The following PLCL2 variants were observed in gnomAD, a reference collection of about 807,000 sequenced individuals.
PLCL2 encodes the protein inactive phospholipase C-like protein 2.
Under a neutral mutation model 79.6 loss-of-function variants are expected in PLCL2, and 4 were observed. The observed-to-expected ratio is 0.05, with a 90% CI of 0.02 to 0.11. PLCL2 has a LOEUF of 0.11. PLCL2 is among the 10% of genes least tolerant of loss of function. The probability of loss-of-function intolerance (pLI) is 1.00; values close to 1 mark genes in which losing one functional copy is unlikely to be tolerated. For missense variants in PLCL2, 895 were observed against 1,291.0 expected, an observed-to-expected ratio of 0.69 and a Z score of 4.70; for synonymous variants, 484 against 457.7, an observed-to-expected ratio of 1.06 and a Z score of -0.73.
chr3:17,001,729 C>T (rs945786541), intron 1 of PLCL2, among the ~76,000 whole-genome samples: 17 of 151,730 alleles, frequency 1.1e-4, no homozygotes, highest in African/African-American at 1.7e-4. Flanking sequence ...TTTTGATGCC[C>T]GTACCATGCT....
At chr3:16,954,754 A>G (rs373540775) in intron 1 of PLCL2, among the ~76,000 whole-genome samples, 23 of 151,902 alleles carry the variant, frequency 1.5e-4, no homozygotes, top group Middle Eastern at 6.8e-3. Flanking sequence ...TTGTGGTTTT[A>G]ATTTGCATTT....
rs1209476751 is a variant in PLCL2, at chr3:17,009,968, A to G, written c.622A>G (p.Ile208Val). Residue 208 changes from isoleucine to valine, a missense_variant, in exon 2 of 6, where the codon ATT (isoleucine) becomes GTT (valine). By Grantham distance (29) the Ile-to-Val change is conservative. Around this residue, in one of 6 missense-constraint regions of PLCL2, gnomAD observed 129 missense variants for 208.8 expected, o/e 0.62. Transcript: ENST00000615277. This position sits in a 1 kb window ranked among gnomAD's most constrained non-coding sequence, Gnocchi z 4.0. ...CACAGACATATTCCGCAGCAATGGCATTTCTGACCAGATATCTGAAGATTG... is the reference window on the plus strand; with the variant it reads ...CACAGACATATTCCGCAGCAATGGCGTTTCTGACCAGATATCTGAAGATTG... ...KNTDIFRSNGISDQISEDCAF... is the reference protein window; with the variant it reads ...KNTDIFRSNGVSDQISEDCAF... 1.2e-6 allele frequency: 2 copies of G among 1,614,130 alleles called. No individual in the cohort carries two copies. Among genetic ancestry groups the G allele is most frequent in the Admixed American group, 1.7e-5 (1 of 60,024 alleles).
intron 1 of PLCL2, among the ~76,000 whole-genome samples, chr3:16,977,791 A>G (rs980230626): frequency 1.3e-5 from 2 of 152,182 alleles, no homozygotes; most frequent in African/African-American, 4.8e-5. Context: ...CTTATAAACA[A>G]TGAAAATTTA....
At chr3:16,984,661 G>A (rs1185027232) in intron 1 of PLCL2, among the ~76,000 whole-genome samples, 1 of 152,134 alleles carries the variant, frequency 6.6e-6, no homozygotes, top group Admixed American at 6.5e-5. Flanking sequence ...GGCCAGGTGC[G>A]CTGGCTCACG....
At chr3:16,906,135 G>A (rs533330380) in intron 1 of PLCL2, among the ~76,000 whole-genome samples, 138 of 151,828 alleles carry the variant, frequency 9.1e-4, no homozygotes, top group Non-Finnish European at 1.7e-3. Flanking sequence ...ATATTAAAAC[G>A]TTTTATCTGA....
At chr3:17,028,805 G>A (rs974741938) in intron 3 of PLCL2, among the ~76,000 whole-genome samples, 1 of 152,008 alleles carries the variant, frequency 6.6e-6, no homozygotes, top group Non-Finnish European at 1.5e-5. Flanking sequence ...CTGAGCTCCA[G>A]GATAACAGGG....
intron 1 of PLCL2, among the ~76,000 whole-genome samples, chr3:16,983,323 G>A (rs1309835992): frequency 6.6e-6 from 1 of 152,198 alleles, no homozygotes; most frequent in Non-Finnish European, 1.5e-5. Flanking sequence ...AGTGACTCTT[G>A]TGGGAATAAA....
chr3:16,968,695 A>G (rs949172081), intron 1 of PLCL2, among the ~76,000 whole-genome samples: 2 of 152,260 alleles, frequency 1.3e-5, no homozygotes, highest in Admixed American at 6.5e-5. Context: ...TGTTCCAGGT[A>G]TAGAATCGTA....
intron 1 of PLCL2, among the ~76,000 whole-genome samples, chr3:17,006,325 C>G (rs892293796): frequency 4.6e-5 from 7 of 152,194 alleles, no homozygotes; most frequent in Non-Finnish European, 8.8e-5. Flanking sequence ...CCATTGAACA[C>G]CAGTTCTCCT....
At position 16,946,790 on chromosome 3, in the gene PLCL2, A is replaced by G. The variant is rs137938926; in HGVS notation, c.327+61424A>G. On this transcript the variant is annotated intron_variant, in intron 1 of 5. Transcript: ENST00000615277. ...GCTAATTAGAAAGTTTATAGAAGTT[A>G]TAAGTCCTGTCATAAGTCATTTTAC... 6.0e-3 allele frequency among the ~76,000 whole-genome samples: 910 copies of G among 152,172 alleles called. 11 individuals are homozygous for G. The highest frequency in any genetic ancestry group is 0.021 in the African/African-American group (855 of 41,546).
intron 1 of PLCL2, among the ~76,000 whole-genome samples, chr3:17,005,438 C>A (rs2064252020): frequency 6.6e-6 from 1 of 152,276 alleles, no homozygotes; most frequent in African/African-American, 2.4e-5. Flanking sequence ...ACCTAAGTAT[C>A]CCAGATGGTA....
intron 1 of PLCL2, among the ~76,000 whole-genome samples, chr3:16,915,481 T>C (rs1474960311): frequency 6.6e-6 from 1 of 152,246 alleles, no homozygotes; most frequent in Non-Finnish European, 1.5e-5. Context: ...TTATTCATGC[T>C]CCATAATTCA....
At chr3:16,930,314 G>A (rs887208956) in intron 1 of PLCL2, among the ~76,000 whole-genome samples, 1 of 152,098 alleles carries the variant, frequency 6.6e-6, no homozygotes, top group African/African-American at 2.4e-5. Context: ...TTGAGGGAGC[G>A]TTCCAAGTTC....
At chr3:17,021,631 C>CA (rs33962872) in intron 3 of PLCL2, among the ~76,000 whole-genome samples, 1 of 142,930 alleles carries the variant, frequency 7.0e-6, no homozygotes, top group African/African-American at 2.9e-5. Flanking sequence ...CACACACACA[C>CA]CCCAGATACT....
intron 3 of PLCL2, among the ~76,000 whole-genome samples, chr3:17,035,971 T>C (rs973742521): frequency 1.3e-5 from 2 of 152,186 alleles, no homozygotes; most frequent in African/African-American, 2.4e-5. Context: ...TATAGGGTTT[T>C]TTCCCCCCTA....
intron 1 of PLCL2, among the ~76,000 whole-genome samples, chr3:16,892,197 T>C (rs1052840165): frequency 3.9e-5 from 6 of 152,252 alleles, no homozygotes; most frequent in African/African-American, 7.2e-5. Flanking sequence ...GGATGTGTGC[T>C]TCAAAGAAGA....
In PLCL2 at chr3:16,884,957, G is replaced by A. The variant is rs1167960090; in HGVS notation, c.-83G>A. 3.1e-5 allele frequency: 5 copies of A among 163,396 alleles called. No homozygotes were observed. The highest frequency in any genetic ancestry group is 6.5e-5 in the Non-Finnish European group (5 of 77,114). 10.1% of individuals were successfully genotyped at this position (163,396 alleles called of 1,614,324 possible). A position where few individuals can be genotyped will look rare whatever the true frequency, so the allele number is the denominator to read the frequency against. On this transcript the variant is annotated 5_prime_UTR_variant, in exon 1 of 6. Transcript: ENST00000615277. The surrounding 1 kb of genome is among the most constrained non-coding windows in gnomAD (Gnocchi z 9.3). The stretch of plus-strand genomic sequence containing the variant: ...GCGGCGGCGGGAGGAGAGGAGGAGG[G>A]GCCGCGCGCGGCGGCCCGAGGCGGC...
chr3:16,984,522 C>T (rs929689028), intron 1 of PLCL2, among the ~76,000 whole-genome samples: 17 of 151,978 alleles, frequency 1.1e-4, no homozygotes, highest in African/African-American at 4.1e-4. Context: ...TGCGTGGTTT[C>T]TAATCTCTGT....
intron 5 of PLCL2, among the ~76,000 whole-genome samples, chr3:17,083,851 G>C (rs1478430368): frequency 6.6e-6 from 1 of 152,070 alleles, no homozygotes; most frequent in Non-Finnish European, 1.5e-5. Flanking sequence ...GTAGTAGCAG[G>C]ATATCAGAAA....
Sources: gnomAD v4.1 joint callset for allele counts (sites outside exome capture counted in the v4.1 genomes callset) on GRCh38, gnomAD v4.1.1 for gene constraint, gnomAD v4.1.1 regional missense constraint, Gnocchi (gnomAD v3.1) non-coding constraint, MANE v1.5 for transcripts, NCBI Gene and HGNC (gene_info 2026-07-23, HGNC 2026-07-21) for gene names.